Variants in MYO1B observed in about 807,000 individuals in gnomAD.
The protein encoded by MYO1B is myosin IB.
Under a neutral mutation model 159.7 loss-of-function variants are expected in MYO1B, and 72 were observed. That is an observed-to-expected ratio of 0.45 (90% confidence interval 0.37 to 0.55). MYO1B has a LOEUF of 0.55. Ranked by LOEUF, MYO1B falls within the 20% of genes least tolerant of loss-of-function variation. The probability of loss-of-function intolerance (pLI) is 0.00; values close to 1 mark genes in which losing one functional copy is unlikely to be tolerated. For missense variants in MYO1B, 1,062 were observed against 1,364.8 expected, an observed-to-expected ratio of 0.78 and a Z score of 3.50; for synonymous variants, 468 against 473.8, an observed-to-expected ratio of 0.99 and a Z score of 0.16.
intron 7 of MYO1B, among the ~76,000 whole-genome samples, chr2:191,355,411 C>A (rs1693209820): frequency 6.6e-6 from 1 of 152,196 alleles, no homozygotes; most frequent in African/African-American, 2.4e-5. Flanking sequence ...GATAATATAT[C>A]CTTTCCCTCA....
intron 30 of MYO1B, among the ~76,000 whole-genome samples, chr2:191,417,053 T>A (rs1171600441): frequency 6.7e-6 from 1 of 150,260 alleles, no homozygotes; most frequent in African/African-American, 2.4e-5. Context: ...GTTTACCTGC[T>A]TATATACTTC....
At chr2:191,306,766 G>C (rs552437586) in intron 3 of MYO1B, among the ~76,000 whole-genome samples, 49 of 152,250 alleles carry the variant, frequency 3.2e-4, no homozygotes, top group African/African-American at 1.2e-3. Flanking sequence ...CAGAGTCCCA[G>C]GCAACCCCTG....
At chr2:191,392,303 G>A in intron 19 of MYO1B, 102 bp downstream of exon 19, 1 of 753,426 alleles carries the variant, frequency 1.3e-6, no homozygotes, top group Non-Finnish European at 2.1e-6. Flanking sequence ...GGGCCACCAT[G>A]AATGCCACAA....
chr2:191,418,195 G>A (rs376829923), intron 30 of MYO1B, among the ~76,000 whole-genome samples: 9 of 152,306 alleles, frequency 5.9e-5, no homozygotes, highest in African/African-American at 2.2e-4. Flanking sequence ...GAAGTTTGTA[G>A]GTAAGGATCG....
intron 2 of MYO1B, among the ~76,000 whole-genome samples, chr2:191,290,090 G>T (rs909987528): frequency 6.6e-6 from 1 of 152,186 alleles, no homozygotes; most frequent in African/African-American, 2.4e-5. Context: ...GATTTTGGCT[G>T]TTGATTATTA....
At chr2:191,331,568 C>T (rs574473151) in intron 4 of MYO1B, among the ~76,000 whole-genome samples, 1 of 152,262 alleles carries the variant, frequency 6.6e-6, no homozygotes, top group South Asian at 2.1e-4. Context: ...CTAAAAATCC[C>T]TTTTCTTCAA....
At chr2:191,378,071 T>A (rs1416170570) in intron 13 of MYO1B, among the ~76,000 whole-genome samples, 2 of 152,086 alleles carry the variant, frequency 1.3e-5, no homozygotes, top group African/African-American at 4.8e-5. Flanking sequence ...AAGTTTTTGT[T>A]ATTAGGGCAT....
intron 23 of MYO1B, chr2:191,402,263 C>T (rs1041890096): frequency 2.0e-5 from 5 of 246,616 alleles, no homozygotes; most frequent in African/African-American, 7.0e-5. Context: ...AGTCTAATGA[C>T]ATCATTAGGG....
chr2:191,295,811 G>A (rs1409025562), intron 2 of MYO1B, among the ~76,000 whole-genome samples: 8 of 152,312 alleles, frequency 5.3e-5, no homozygotes, highest in Middle Eastern at 3.4e-3. Flanking sequence ...GACAAAATTT[G>A]TGGAAAATAT....
At chr2:191,399,154 C>T (rs1272661965) in intron 21 of MYO1B, among the ~76,000 whole-genome samples, 3 of 152,044 alleles carry the variant, frequency 2.0e-5, no homozygotes, top group African/African-American at 2.4e-5. Context: ...CAATCGCAGG[C>T]ACTCGGCAGG....
chr2:191,335,096 C>A (rs772634133), intron 4 of MYO1B, among the ~76,000 whole-genome samples: 1 of 152,118 alleles, frequency 6.6e-6, no homozygotes, highest in Non-Finnish European at 1.5e-5. Context: ...GATGAACTAT[C>A]GTCTTGGGTG....
intron 2 of MYO1B, among the ~76,000 whole-genome samples, chr2:191,286,309 A>G (rs1351991611): frequency 6.6e-6 from 1 of 152,108 alleles, no homozygotes; most frequent in Non-Finnish European, 1.5e-5. Flanking sequence ...CTAAAAAACA[A>G]CCAAAGTGTT....
At chr2:191,383,026 A>C (rs1172694377) in intron 14 of MYO1B, among the ~76,000 whole-genome samples, 1 of 152,198 alleles carries the variant, frequency 6.6e-6, no homozygotes, top group Admixed American at 6.5e-5. Context: ...AAATTGCTGC[A>C]GATGGGAGAG....
At chr2:191,357,014 AT>A (rs1275000301) in intron 7 of MYO1B, among the ~76,000 whole-genome samples, 2 of 152,132 alleles carry the variant, frequency 1.3e-5, no homozygotes, top group Non-Finnish European at 2.9e-5. Flanking sequence ...GACAAAGCTG[AT>A]TTTTTCGTAA....
In MYO1B at chr2:191,423,863, A is replaced by G. The variant is rs1698097772; in HGVS notation, c.3314A>G (p.Lys1105Arg). Residue 1105 changes from lysine to arginine, a missense_variant, in exon 31 of 31, where the codon AAA becomes AGA. Lys to Arg is a conservative substitution (Grantham distance 26, BLOSUM62 2). This residue lies in a region of MYO1B where 609 missense variants were observed against 744.4 expected (regional missense o/e 0.82). Coordinates refer to ENST00000392318, the MANE Select transcript of MYO1B (RefSeq NM_001130158.3). ...DEFLVQFRQD[K>R]VCVKFIQGNQ... ...TTCCTGGTACAGTTCAGACAGGACA[A>G]AGTATGTGTGAAGTTTATTCAGGGA... The G allele has an allele frequency of 6.2e-7, 1 of 1,613,880 alleles. No homozygotes were observed. Among genetic ancestry groups the G allele is most frequent in the African/African-American group, 1.3e-5 (1 of 74,922 alleles).
At position 191,402,674 on chromosome 2, in the gene MYO1B, A is replaced by G. The variant is rs138223215; in HGVS notation, c.2512A>G (p.Lys838Glu). 1,701 of 1,613,676 alleles carry G rather than the reference A, an allele frequency of 1.1e-3. 3 individuals are homozygous for G. The highest frequency in any genetic ancestry group is 1.4e-3 in the Non-Finnish European group (1,625 of 1,179,764). The part of the protein sequence containing the change: ...LKRLKEEARR[K>E]HAVAVIWAYW... ...ACGCTTGAAGGAGGAGGCTAGGCGT[A>G]AGCATGCAGTTGCTGTCATTTGGGC... Residue 838 changes from lysine to glutamate, a missense_variant, in exon 24 of 31, where the codon AAG (lysine) becomes GAG (glutamate). Physicochemically the swap from Lys to Glu is moderately conservative, Grantham distance 56. Around this residue, in one of 5 missense-constraint regions of MYO1B, gnomAD observed 609 missense variants for 744.4 expected, o/e 0.82. Coordinates refer to ENST00000392318, the MANE Select transcript of MYO1B (RefSeq NM_001130158.3).
In MYO1B at chr2:191,308,077, A is replaced by G. The variant is rs533149490; in HGVS notation, c.251+11851A>G. ...GGTTGAAAGATTCCCCCCCACTCTA[A>G]TCACAGGCTTGGTCTTTCTGGTAAA... On this transcript the variant is annotated intron_variant, in intron 3 of 30. Transcript: ENST00000392318. Among the ~76,000 whole-genome samples, 154 of 152,048 alleles carry G rather than the reference A, an allele frequency of 1.0e-3. 4 individuals carry two copies. In the South Asian group the frequency reaches 0.031, roughly 30 times the overall value.
chr2:191,405,417 A>C (rs1696859125), intron 24 of MYO1B, among the ~76,000 whole-genome samples: 1 of 152,196 alleles, frequency 6.6e-6, no homozygotes, highest in Non-Finnish European at 1.5e-5. Flanking sequence ...TCCTCCCATG[A>C]ATCTGGAATA....
intron 5 of MYO1B, 90 bp downstream of exon 5, chr2:191,341,655 A>C: frequency 1.0e-6 from 1 of 979,676 alleles, no homozygotes; most frequent in Non-Finnish European, 1.6e-6. Context: ...GCTGGGAGGT[A>C]TTCTGGGAGG....
Sources: gnomAD v4.1 joint callset for allele counts (sites outside exome capture counted in the v4.1 genomes callset) on GRCh38, gnomAD v4.1.1 for gene constraint, gnomAD v4.1.1 regional missense constraint, MANE v1.5 for transcripts, NCBI Gene and HGNC (gene_info 2026-07-23, HGNC 2026-07-21) for gene names.